CADPS2: variants seen among roughly 807,000 people sequenced by gnomAD.
CADPS2 encodes calcium dependent secretion activator 2.
A neutral mutation model predicts 172.5 loss-of-function variants in CADPS2; 93 were observed. That is an observed-to-expected ratio of 0.54 (90% CI 0.46 to 0.64). The LOEUF is 0.64. Ranked by LOEUF, CADPS2 falls within the 30% of genes least tolerant of loss-of-function variation. CADPS2 has a pLI of 0.00. For missense variants in CADPS2, 1,420 were observed against 1,565.9 expected (o/e 0.91, Z 1.57); for synonymous variants, 546 against 555.2 (o/e 0.98, Z 0.23).
At chr7:122,788,500 T>G (rs959032213) in intron 1 of CADPS2, among the ~76,000 whole-genome samples, 12 of 152,222 alleles carry the variant, frequency 7.9e-5, no homozygotes, top group Non-Finnish European at 1.5e-4. Context: ...AAGCCCTGCT[T>G]TGCCTTAAAC....
At chr7:122,761,535 C>T (rs748735943) in intron 1 of CADPS2, among the ~76,000 whole-genome samples, 3 of 151,996 alleles carry the variant, frequency 2.0e-5, no homozygotes, top group African/African-American at 7.2e-5. Flanking sequence ...AACACAAAAT[C>T]TTTAAAAAAA....
At chr7:122,544,516 C>T (rs1176368073) in intron 8 of CADPS2, among the ~76,000 whole-genome samples, 2 of 152,108 alleles carry the variant, frequency 1.3e-5, no homozygotes, top group Non-Finnish European at 2.9e-5. Context: ...CCATGACCAA[C>T]TCGTGGGTCT....
chr7:122,705,445 AT>A (rs1342710822), intron 2 of CADPS2, among the ~76,000 whole-genome samples: 14 of 136,884 alleles, frequency 1.0e-4, no homozygotes, highest in African/African-American at 3.3e-4. Context: ...GTAATATAAT[AT>A]TATATATTAT....
At chr7:122,446,251 T>G (rs902608344) in intron 15 of CADPS2, among the ~76,000 whole-genome samples, 1 of 152,188 alleles carries the variant, frequency 6.6e-6, no homozygotes, top group Non-Finnish European at 1.5e-5. Flanking sequence ...TATTTTACTA[T>G]TTTTCTATAT....
chr7:122,350,828 A>C (rs756529018), intron 27 of CADPS2, among the ~76,000 whole-genome samples: 26 of 151,824 alleles, frequency 1.7e-4, no homozygotes, highest in Non-Finnish European at 2.9e-4. Flanking sequence ...TGTATAAAAA[A>C]GTAAAAAATT....
intron 1 of CADPS2, among the ~76,000 whole-genome samples, chr7:122,832,765 G>A (rs1806977887): frequency 1.3e-5 from 2 of 152,174 alleles, no homozygotes; most frequent in African/African-American, 4.8e-5. Context: ...AGAAATCACA[G>A]TACAATATGG....
At chr7:122,872,329 TCCCTCTCTG>T (rs1819975141) in intron 1 of CADPS2, among the ~76,000 whole-genome samples, 2 of 152,126 alleles carry the variant, frequency 1.3e-5, no homozygotes, top group African/African-American at 4.8e-5. Flanking sequence ...CATTTTGGCC[TCCCTCTCTG>T]TCATTTCAGG....
chr7:122,689,938 GCCT>G (rs1355259629), intron 2 of CADPS2, among the ~76,000 whole-genome samples: 1 of 152,112 alleles, frequency 6.6e-6, no homozygotes, highest in Non-Finnish European at 1.5e-5. Context: ...GTTTTGTGAC[GCCT>G]CCTATTCAAA....
At chr7:122,463,747 G>C (rs2054769011) in intron 14 of CADPS2, among the ~76,000 whole-genome samples, 1 of 152,140 alleles carries the variant, frequency 6.6e-6, no homozygotes, top group Non-Finnish European at 1.5e-5. Context: ...AAACTGAAAG[G>C]TTTTGTAGAC....
intron 28 of CADPS2, among the ~76,000 whole-genome samples, chr7:122,337,429 T>C (rs560937800): frequency 3.9e-5 from 6 of 152,318 alleles, no homozygotes; most frequent in African/African-American, 7.2e-5. Flanking sequence ...TTCTTGAACA[T>C]TCTTTTGAAT....
At chr7:122,681,022 C>T (rs1357263705) in intron 2 of CADPS2, among the ~76,000 whole-genome samples, 6 of 150,552 alleles carry the variant, frequency 4.0e-5, no homozygotes, top group Admixed American at 6.7e-5. Context: ...AGTAAACTAT[C>T]GCAAGAACAA....
At chr7:122,775,640 T>C (rs1209210223) in intron 1 of CADPS2, among the ~76,000 whole-genome samples, 1 of 152,216 alleles carries the variant, frequency 6.6e-6, no homozygotes, top group Non-Finnish European at 1.5e-5. Flanking sequence ...TCTGAACCTA[T>C]ATTTGATTAT....
intron 2 of CADPS2, among the ~76,000 whole-genome samples, chr7:122,718,985 T>A (rs188748990): frequency 1.3e-5 from 2 of 151,946 alleles, no homozygotes; most frequent in Non-Finnish European, 2.9e-5. Context: ...ATAAAACTTT[T>A]AGGACTGACA....
chr7:122,825,952 G>A (rs1804754817), intron 1 of CADPS2, among the ~76,000 whole-genome samples: 1 of 152,264 alleles, frequency 6.6e-6, no homozygotes, highest in Middle Eastern at 3.4e-3. Context: ...TACCAGGGTG[G>A]TGTAAGAACG....
At chr7:122,737,180 T>C (rs2092217421) in intron 1 of CADPS2, 112 bp from the exon 2 acceptor site, 2 of 607,614 alleles carry the variant, frequency 3.3e-6, no homozygotes, top group African/African-American at 1.9e-5. Flanking sequence ...ATTAACTTTA[T>C]AGTAAAGAAA....
At position 122,709,929 on chromosome 7, in the gene CADPS2, G is replaced by A. The variant is rs956727431; in HGVS notation, c.453+27026C>T. Among the ~76,000 whole-genome samples the A allele has an allele frequency of 5.9e-5, 9 of 151,860 alleles. No homozygotes were observed. In the East Asian group the frequency reaches 1.6e-3, roughly 26 times the overall value. On this transcript the variant is annotated intron_variant, in intron 2 of 29. Transcript: ENST00000449022. ...TTGTGGGGTTGGGGGAGAGGGAAGG[G>A]ATAGCATTAGGAGATATACCTAATG...
intron 1 of CADPS2, among the ~76,000 whole-genome samples, chr7:122,843,616 C>A (rs1018529178): frequency 3.3e-5 from 5 of 152,110 alleles, no homozygotes; most frequent in African/African-American, 9.7e-5. Context: ...ACATTATATG[C>A]CAGATTGTGA....
chr7:122,705,744 TAA>T (rs1420938741), intron 2 of CADPS2, among the ~76,000 whole-genome samples: 1 of 6,452 alleles, frequency 1.5e-4, no homozygotes, highest in African/African-American at 3.0e-4. Context: ...ATATAATATA[TAA>T]TATATATAAT....
At chr7:122,681,270 A>C in intron 2 of CADPS2, 1 of 824,318 alleles carries the variant, frequency 1.2e-6, no homozygotes, top group Admixed American at 1.8e-5. Flanking sequence ...CTAAAACTTA[A>C]AGTATAATAA....
Sources: allele counts gnomAD v4.1 joint callset (sites outside exome capture counted in the v4.1 genomes callset), GRCh38; gene constraint gnomAD v4.1.1; transcripts MANE v1.5; gene names NCBI Gene and HGNC (gene_info 2026-07-23, HGNC 2026-07-21).